Variants in YTHDC1 observed in about 807,000 individuals in gnomAD.
YTHDC1 encodes YTH N6-methyladenosine RNA binding protein C1.
A neutral mutation model predicts 107.0 loss-of-function variants in YTHDC1; 12 were observed. That is an observed-to-expected ratio of 0.11 (90% CI 0.07 to 0.18). The LOEUF is 0.18. Among genes scored for constraint, YTHDC1 ranks in the 10% least tolerant of loss-of-function variants. YTHDC1 has a pLI of 1.00. For missense variants in YTHDC1, 635 were observed against 898.8 expected (o/e 0.71, Z 3.75); for synonymous variants, 280 against 289.5 (o/e 0.97, Z 0.33).
intron 15 of YTHDC1, among the ~76,000 whole-genome samples, chr4:68,317,575 A>G (rs1177475637): frequency 6.6e-6 from 1 of 152,208 alleles, no homozygotes; most frequent in African/African-American, 2.4e-5. Flanking sequence ...AATATACTCT[A>G]AGACAATTCA....
chr4:68,318,817 C>T lies in YTHDC1; in HGVS notation c.1721+9G>A. On this transcript the variant is annotated intron_variant, in intron 13 of 16. Coordinates refer to ENST00000344157, the MANE Select transcript of YTHDC1 (RefSeq NM_001031732.4). ...AATTCAAAACTAGGCAAGAGTGAAC[C>T]CGACTTACCTGTCCACTTCCTGGTA... The T allele has an allele frequency of 6.2e-7, 1 of 1,614,052 alleles. No homozygotes were observed. Among genetic ancestry groups the T allele is most frequent in the Non-Finnish European group, 8.5e-7 (1 of 1,179,984 alleles).
intron 16 of YTHDC1, among the ~76,000 whole-genome samples, chr4:68,314,602 T>A (rs571285554): frequency 6.6e-6 from 1 of 152,218 alleles, no homozygotes; most frequent in African/African-American, 2.4e-5. Flanking sequence ...TTAACTTTAA[T>A]GACTTTTCCA....
At chr4:68,331,841 T>A (rs1168274451) in intron 7 of YTHDC1, among the ~76,000 whole-genome samples, 3 of 151,528 alleles carry the variant, frequency 2.0e-5, no homozygotes, top group African/African-American at 7.3e-5. Flanking sequence ...AGAAACAGGA[T>A]CTTTTACAGC....
intron 16 of YTHDC1, among the ~76,000 whole-genome samples, chr4:68,315,185 A>C (rs1433686185): frequency 6.6e-6 from 1 of 152,208 alleles, no homozygotes; most frequent in East Asian, 1.9e-4. Context: ...TTATAGATAG[A>C]CTGTATATTT....
chr4:68,324,306 T>C, intron 9 of YTHDC1, 83 bp from the exon 10 acceptor site: 1 of 1,234,476 alleles, frequency 8.1e-7, no homozygotes, highest in South Asian at 1.3e-5. Context: ...AATTCCTGTA[T>C]TAACTGTGAC....
Position 68,324,163 on chromosome 4 carries a change from T to C in YTHDC1, c.1410A>G (p.Pro470=). The change falls in exon 10 of 17, where the codon CCA becomes CCG. Residue 470 remains proline (P), a synonymous_variant. Coordinates refer to ENST00000344157, the MANE Select transcript of YTHDC1 (RefSeq NM_001031732.4). ...HLTNPWNEHK[P]VKIGRDGQEI... ...CCTGTCCATCACGTCCGATCTTTACTGGTTTATGTTCATTCCAAGGATTGG... is the reference window on the plus strand; with the variant it reads ...CCTGTCCATCACGTCCGATCTTTACCGGTTTATGTTCATTCCAAGGATTGG... 1.2e-6 allele frequency: 2 copies of C among 1,613,938 alleles called. No individual in the cohort carries two copies. Among genetic ancestry groups the C allele is most frequent in the Non-Finnish European group, 1.7e-6 (2 of 1,179,878 alleles).
chr4:68,324,235 G>T lies in YTHDC1; in HGVS notation c.1350-12C>A. 3.1e-6 allele frequency: 5 copies of T among 1,604,848 alleles called. No individual in the cohort carries two copies. The highest frequency in any genetic ancestry group is 1.1e-5 in the South Asian group (1 of 90,642). On this transcript the variant is annotated splice_polypyrimidine_tract_variant and intron_variant, in intron 9 of 16. Coordinates refer to ENST00000344157, the MANE Select transcript of YTHDC1 (RefSeq NM_001031732.4). ...AGGGTAATTCACGCCTAAATACAAA[G>T]TAATATCAATTACATTCTTCTGCAG...
At chr4:68,324,097 G>A in intron 10 of YTHDC1, 42 bp downstream of exon 10, 1 of 1,539,784 alleles carries the variant, frequency 6.5e-7, no homozygotes, top group South Asian at 1.1e-5. Flanking sequence ...TAAAAGGGTT[G>A]ATTAAATGTG....
chr4:68,338,279 A>G lies in YTHDC1; in HGVS notation c.130+4T>C. ...TCAACAAAAATAATAGAACTCTTAC[A>G]TACCCTTTTTCTCATTTTTATCTTG... On this transcript the variant is annotated splice_donor_region_variant and intron_variant, in intron 2 of 16. Transcript: ENST00000344157. The G allele has an allele frequency of 6.3e-7, 1 of 1,595,560 alleles. No homozygotes were observed. Among genetic ancestry groups the G allele is most frequent in the Non-Finnish European group, 8.6e-7 (1 of 1,169,580 alleles).
intron 1 of YTHDC1, among the ~76,000 whole-genome samples, chr4:68,348,509 T>C (rs1288004388): frequency 1.3e-5 from 2 of 151,448 alleles, no homozygotes; most frequent in Admixed American, 6.6e-5. Flanking sequence ...GGGAGATTTT[T>C]TAGCATTTAG....
At chr4:68,342,880 C>A (rs907513885) in intron 1 of YTHDC1, among the ~76,000 whole-genome samples, 6 of 125,008 alleles carry the variant, frequency 4.8e-5, no homozygotes, top group Non-Finnish European at 1.0e-4. Context: ...GTAATATCCA[C>A]TAGTTCTAGG....
rs971207264 is a variant in YTHDC1, at chr4:68,313,290, G to T, written c.*809C>A. 3 of 152,468 alleles carry T rather than the reference G, an allele frequency of 2.0e-5. No homozygotes were observed. Among genetic ancestry groups the T allele is most frequent in the Admixed American group, 1.3e-4 (2 of 15,266 alleles). 9.4% of individuals were successfully genotyped at this position (152,468 alleles called of 1,614,324 possible). A position where few individuals can be genotyped will look rare whatever the true frequency, so the allele number is the denominator to read the frequency against. ...CATTATTGCATAATAAAACAAACCT[G>T]CAATTGGATAAGAAAAAGATACAAA... On this transcript the variant is annotated 3_prime_UTR_variant, in exon 17 of 17. Coordinates refer to ENST00000344157, the MANE Select transcript of YTHDC1 (RefSeq NM_001031732.4).
intron 9 of YTHDC1, among the ~76,000 whole-genome samples, chr4:68,325,513 G>C (rs966394493): frequency 2.6e-5 from 4 of 152,144 alleles, no homozygotes; most frequent in African/African-American, 9.7e-5. Flanking sequence ...AACCTTACAT[G>C]AATTTTCTTG....
Position 68,349,711 on chromosome 4 carries a change from T to C in YTHDC1, c.28+15A>G, listed in dbSNP as rs201057278. 111 of 1,596,168 alleles carry C rather than the reference T, an allele frequency of 7.0e-5. No individual in the cohort carries two copies. Among genetic ancestry groups the C allele is most frequent in the Middle Eastern group, 3.4e-4 (2 of 5,962 alleles). ...CCCAGCCTCGCCTCGGCCCGTCATC[T>C]TTCTCCGCACTAACCTTTCTCCTCC... is the stretch of plus-strand genomic sequence containing the variant. On this transcript the variant is annotated intron_variant, in intron 1 of 16. Coordinates refer to ENST00000344157, the MANE Select transcript of YTHDC1 (RefSeq NM_001031732.4).
intron 9 of YTHDC1, 51 bp downstream of exon 9, chr4:68,329,951 C>T: frequency 7.5e-7 from 1 of 1,335,988 alleles, no homozygotes; most frequent in South Asian, 1.2e-5. Context: ...TTATTCTAAA[C>T]TGGTAGTGTA....
At chr4:68,323,480 C>A (rs1228440337) in intron 10 of YTHDC1, among the ~76,000 whole-genome samples, 1 of 152,142 alleles carries the variant, frequency 6.6e-6, no homozygotes, top group East Asian at 1.9e-4. Context: ...GTAATTCCAG[C>A]ACTTTGGGAG....
intron 12 of YTHDC1, 53 bp downstream of exon 12, chr4:68,320,070 A>C (rs1435087896): frequency 6.7e-7 from 1 of 1,486,868 alleles, no homozygotes; most frequent in African/African-American, 1.4e-5. Flanking sequence ...TAATTTTTTA[A>C]TTTTTTTCCA....
At chr4:68,338,028 G>C in intron 2 of YTHDC1, 128 bp from the exon 3 acceptor site, 1 of 1,460,998 alleles carries the variant, frequency 6.8e-7, no homozygotes, top group South Asian at 1.5e-5. Flanking sequence ...AGTCTTCTGA[G>C]AGATTTCTTC....
chr4:68,327,450 C>G (rs1723122869), intron 9 of YTHDC1, among the ~76,000 whole-genome samples: 1 of 151,980 alleles, frequency 6.6e-6, no homozygotes, highest in Non-Finnish European at 1.5e-5. Context: ...AAACATGACA[C>G]TTATCTGGTC....
Sources: gnomAD v4.1 joint callset for allele counts (sites outside exome capture counted in the v4.1 genomes callset) on GRCh38, gnomAD v4.1.1 for gene constraint, MANE v1.5 for transcripts, NCBI Gene and HGNC (gene_info 2026-07-23, HGNC 2026-07-21) for gene names.